The following PDE4D variants were observed in gnomAD, a reference collection of about 807,000 sequenced individuals.
The protein encoded by PDE4D is phosphodiesterase 4D, also known as 3',5'-cyclic-AMP phosphodiesterase 4D.
Under a neutral mutation model 87.4 loss-of-function variants are expected in PDE4D, and 24 were observed. The ratio of observed to expected loss-of-function variants is 0.27; its 90% confidence interval spans 0.20 to 0.39. The LOEUF is 0.39. PDE4D is among the 10% of genes least tolerant of loss of function. PDE4D has a pLI of 1.00. For synonymous variants in PDE4D, 384 were observed against 383.2 expected, an observed-to-expected ratio of 1.00 and a Z score of -0.02; for missense variants, 714 against 1,041.0, an observed-to-expected ratio of 0.69 and a Z score of 4.32.
intron 1 of PDE4D, among the ~76,000 whole-genome samples, chr5:59,865,311 A>AT (rs1376967053): frequency 2.6e-5 from 4 of 152,216 alleles, no homozygotes; most frequent in Admixed American, 2.6e-4. Context: ...TGAGTAACGA[A>AT]TATATTTTGG....
chr5:59,495,727 C>T (rs1215594103), intron 1 of PDE4D, among the ~76,000 whole-genome samples: 1 of 152,124 alleles, frequency 6.6e-6, no homozygotes, highest in Non-Finnish European at 1.5e-5. Context: ...TGTGTTGCTA[C>T]GAAATGAGAA....
intron 1 of PDE4D, among the ~76,000 whole-genome samples, chr5:59,577,192 T>C (rs1823315115): frequency 6.6e-6 from 1 of 152,160 alleles, no homozygotes; most frequent in Admixed American, 6.6e-5. Flanking sequence ...ATGTATAGGT[T>C]GCATATGGAA....
chr5:59,686,502 A>G (rs1749886382), intron 1 of PDE4D, among the ~76,000 whole-genome samples: 1 of 152,204 alleles, frequency 6.6e-6, no homozygotes. Context: ...AAAGATATAT[A>G]TCATTACCAG....
chr5:60,449,198 T>C (rs1745895504), intron 1 of PDE4D, among the ~76,000 whole-genome samples: 1 of 151,824 alleles, frequency 6.6e-6, no homozygotes, highest in African/African-American at 2.4e-5. Flanking sequence ...GGAAAAATCT[T>C]AGGATTTTAA....
intron 1 of PDE4D, among the ~76,000 whole-genome samples, chr5:60,426,275 C>G (rs13354184): frequency 0.12 from 18,823 of 152,212 alleles, 1,256 homozygotes; most frequent in Non-Finnish European, 0.15. Context: ...GACTTGGAAC[C>G]AACCCAAATG....
intron 2 of PDE4D, among the ~76,000 whole-genome samples, chr5:60,150,491 A>C (rs1323020375): frequency 6.6e-6 from 1 of 152,178 alleles, no homozygotes. Flanking sequence ...GCTGCTATGC[A>C]ACAAGATAAA....
At position 60,365,227 on chromosome 5, in the gene PDE4D, A is replaced by G. The variant is rs985041079; in HGVS notation, c.-90+122715T>C. ...CCCAACATATTTTCTCCATCTTGGCATGCAACAACATGAGGAGAAGTCTTG... is the reference window on the plus strand; with the variant it reads ...CCCAACATATTTTCTCCATCTTGGCGTGCAACAACATGAGGAGAAGTCTTG... On this transcript the variant is annotated intron_variant, in intron 1 of 16. Transcript: ENST00000502484. Among the ~76,000 whole-genome samples the G allele has an allele frequency of 2.0e-5, 3 of 152,240 alleles. No homozygotes were observed. The East Asian group carries it at 5.8e-4, about 29-fold the overall frequency.
chr5:59,648,994 G>C (rs1015363173), intron 1 of PDE4D, among the ~76,000 whole-genome samples: 81 of 152,328 alleles, frequency 5.3e-4, no homozygotes, highest in Non-Finnish European at 4.4e-4. Flanking sequence ...GATTTCTGCA[G>C]AGTAGGAAGT....
intron 5 of PDE4D, among the ~76,000 whole-genome samples, chr5:59,169,876 G>C (rs1017372276): frequency 1.3e-5 from 2 of 152,164 alleles, no homozygotes; most frequent in Non-Finnish European, 2.9e-5. Flanking sequence ...GAAAGTCTGG[G>C]AATCAGTCAT....
chr5:59,645,064 G>A (rs528490215), intron 1 of PDE4D, among the ~76,000 whole-genome samples: 15 of 152,294 alleles, frequency 9.8e-5, no homozygotes, highest in Non-Finnish European at 2.1e-4. Context: ...AACTTGTGGA[G>A]GAGACTTCAT....
At chr5:59,481,585 G>A (rs1804264014) in intron 1 of PDE4D, among the ~76,000 whole-genome samples, 1 of 152,084 alleles carries the variant, frequency 6.6e-6, no homozygotes, top group Non-Finnish European at 1.5e-5. Flanking sequence ...TGGTGGTAAG[G>A]AAAGGCTGCT....
intron 2 of PDE4D, among the ~76,000 whole-genome samples, chr5:60,085,658 G>A (rs1774444683): frequency 6.6e-6 from 1 of 152,136 alleles, no homozygotes; most frequent in African/African-American, 2.4e-5. Context: ...CTCATGACGA[G>A]GTGAGTCTCT....
At chr5:59,018,583 C>A (rs1754493182) in intron 6 of PDE4D, among the ~76,000 whole-genome samples, 1 of 152,144 alleles carries the variant, frequency 6.6e-6, no homozygotes, top group South Asian at 2.1e-4. Context: ...AACAGTTAAA[C>A]ATGCGCTATC....
intron 2 of PDE4D, among the ~76,000 whole-genome samples, chr5:60,161,713 T>C (rs1225970120): frequency 6.6e-6 from 1 of 152,152 alleles, no homozygotes; most frequent in African/African-American, 2.4e-5. Flanking sequence ...TTCATGCCAC[T>C]TGCAAGCTTT....
At chr5:60,050,237 T>C (rs1365808434) in intron 2 of PDE4D, among the ~76,000 whole-genome samples, 3 of 152,124 alleles carry the variant, frequency 2.0e-5, no homozygotes, top group South Asian at 4.1e-4. Context: ...GCATGGTGCA[T>C]GCACCCACTG....
intron 1 of PDE4D, among the ~76,000 whole-genome samples, chr5:59,830,639 T>C (rs1741045369): frequency 6.6e-6 from 1 of 152,046 alleles, no homozygotes; most frequent in Non-Finnish European, 1.5e-5. Flanking sequence ...AACTGCTGCT[T>C]TGGGTATTAA....
intron 1 of PDE4D, among the ~76,000 whole-genome samples, chr5:60,385,300 G>A (rs1217413001): frequency 6.6e-6 from 1 of 152,238 alleles, no homozygotes; most frequent in African/African-American, 2.4e-5. Context: ...GTGATCAGGT[G>A]AGACTCAATG....
intron 1 of PDE4D, among the ~76,000 whole-genome samples, chr5:59,333,675 G>T (rs951011144): frequency 6.6e-6 from 1 of 152,086 alleles, no homozygotes; most frequent in Non-Finnish European, 1.5e-5. Flanking sequence ...TGTAGCCTAA[G>T]GCAAGATTCA....
intron 1 of PDE4D, among the ~76,000 whole-genome samples, chr5:59,834,996 A>G (rs1741788454): frequency 6.6e-6 from 1 of 152,026 alleles, no homozygotes; most frequent in African/African-American, 2.4e-5. Flanking sequence ...TAAAAATATA[A>G]TACACAATCA....
Sources: allele counts gnomAD v4.1 joint callset (sites outside exome capture counted in the v4.1 genomes callset), GRCh38; gene constraint gnomAD v4.1.1; transcripts MANE v1.5; gene names NCBI Gene and HGNC (gene_info 2026-07-23, HGNC 2026-07-21).